Variants in SYNE1 observed in about 807,000 individuals in gnomAD.
SYNE1 encodes the protein nesprin-1.
Under a neutral mutation model 1,111.0 loss-of-function variants are expected in SYNE1, and 616 were observed. The ratio of observed to expected loss-of-function variants is 0.55; its 90% confidence interval spans 0.52 to 0.59. SYNE1 has a LOEUF of 0.59. Ranked by LOEUF, SYNE1 falls within the 20% of genes least tolerant of loss-of-function variation. The pLI is 0.00. For synonymous variants in SYNE1, 3,855 were observed against 3,825.8 expected (o/e 1.01, Z -0.28); for missense variants, 10,006 against 10,417.0 (o/e 0.96, Z 1.72).
intron 3 of SYNE1, among the ~76,000 whole-genome samples, chr6:152,607,833 C>T (rs990326204): frequency 1.3e-5 from 2 of 152,178 alleles, no homozygotes; most frequent in East Asian, 1.9e-4. Flanking sequence ...TACATATACA[C>T]CATGGAATGC....
intron 32 of SYNE1, among the ~76,000 whole-genome samples, chr6:152,440,567 AT>A (rs10700163): frequency 1.6e-3 from 198 of 122,684 alleles, no homozygotes; most frequent in Admixed American, 1.9e-3. Context: ...TTGCCTCCAG[AT>A]TTTTTTTTTT....
Position 152,148,192 on chromosome 6 carries a change from T to C in SYNE1, c.24829A>G (p.Ser8277Gly). The C allele has an allele frequency of 6.2e-7, 1 of 1,614,144 alleles. No individual in the cohort carries two copies. Among genetic ancestry groups the C allele is most frequent in the South Asian group, 1.1e-5 (1 of 91,084 alleles). Residue 8277 changes from serine (S) to glycine (G), a missense_variant, in exon 137 of 146, where the codon AGT (serine) becomes GGT (glycine). Transcript: ENST00000367255. This position sits in a 1 kb window ranked among gnomAD's most constrained non-coding sequence, Gnocchi z 4.1. ...SERSGRDTPA[S>G]VDSIPLEWDH... Reference sequence around the variant, plus strand: ...CACTCCAGGGGGATGGAGTCCACACTAGCCGGGGTGTCTCGTCCTGACCGC... The same window carrying C: ...CACTCCAGGGGGATGGAGTCCACACCAGCCGGGGTGTCTCGTCCTGACCGC...
chr6:152,227,843 T>C (rs2081948051), intron 115 of SYNE1, among the ~76,000 whole-genome samples: 1 of 152,126 alleles, frequency 6.6e-6, no homozygotes, highest in Non-Finnish European at 1.5e-5. Flanking sequence ...AGGGCTGAAA[T>C]ATATATTTTA....
chr6:152,462,600 T>G lies in SYNE1; in HGVS notation c.2250+138A>C, dbSNP rs910371028. 1.5e-5 allele frequency: 14 copies of G among 910,598 alleles called. No homozygotes were observed. The African/African-American group carries it at 2.3e-4, about 15-fold the overall frequency. 56.4% of individuals were successfully genotyped at this position (910,598 alleles called of 1,614,324 possible). On this transcript the variant is annotated intron_variant, in intron 20 of 145. Transcript: ENST00000367255. ...GTTCAATACATTTTTTTCTGACAGG[T>G]GCAAATTGGGACATACAGACATGTC...
In SYNE1 at chr6:152,540,141, C is replaced by A. The variant is rs1055042074; in HGVS notation, c.68-120G>T. ...TGAAATCGTTTTCTCATTCATTTTA[C>A]CAATTATTGTCTTGAAGGGAAAAGT... is the stretch of plus-strand genomic sequence containing the variant. On this transcript the variant is annotated intron_variant, in intron 3 of 145. Transcript: ENST00000367255. 20 of 991,092 alleles carry A rather than the reference C, an allele frequency of 2.0e-5. No individual in the cohort carries two copies. The East Asian group carries it at 4.5e-4, about 22-fold the overall frequency. The allele number at this position is 991,092 out of a possible 1,614,324, so 61.4% of individuals were successfully genotyped here.
intron 17 of SYNE1, among the ~76,000 whole-genome samples, 185 bp downstream of exon 17, chr6:152,465,797 A>ACACACACACACACACACAC (rs1554756957): frequency 6.6e-6 from 1 of 151,248 alleles, no homozygotes; most frequent in African/African-American, 2.4e-5. Flanking sequence ...ACACACACAC[A>ACACACACACACACACACAC]ATGATTATGC....
chr6:152,537,165 A>G (rs1259407174), intron 4 of SYNE1, among the ~76,000 whole-genome samples: 2 of 152,134 alleles, frequency 1.3e-5, no homozygotes, highest in African/African-American at 4.8e-5. Context: ...ATAGAGCCCC[A>G]TCCCTGAAAG....
Position 152,387,961 on chromosome 6 carries a change from T to C in SYNE1, c.8178-580A>G, listed in dbSNP as rs182463547. Among the ~76,000 whole-genome samples, 40 of 152,276 alleles carry C rather than the reference T, an allele frequency of 2.6e-4. 1 individual carries two copies. Among genetic ancestry groups the C allele is most frequent in the Non-Finnish European group, 1.5e-5 (1 of 68,018 alleles). The stretch of plus-strand genomic sequence containing the variant: ...TTTATAAGAAAAATAGTCACAAATA[T>C]AATAGCTTTCTCCATAGTCAAACCA... On this transcript the variant is annotated intron_variant, in intron 53 of 145. Coordinates refer to ENST00000367255, the MANE Select transcript of SYNE1 (RefSeq NM_182961.4).
chr6:152,306,159 T>C lies in SYNE1; in HGVS notation c.17346+2330A>G, dbSNP rs148385592. On this transcript the variant is annotated intron_variant, in intron 91 of 145. Transcript: ENST00000367255. ...GAAGTCATTTTTTCTAAGTTCAGTT[T>C]TTTTGTCAGTAAAATAAAGATGATT... 3.9e-5 allele frequency among the ~76,000 whole-genome samples: 6 copies of C among 152,198 alleles called. No homozygotes were observed. The East Asian group carries it at 1.2e-3, about 29-fold the overall frequency.
chr6:152,479,767 T>G (rs2098871263), intron 14 of SYNE1, among the ~76,000 whole-genome samples: 1 of 152,260 alleles, frequency 6.6e-6, no homozygotes, highest in Non-Finnish European at 1.5e-5. Flanking sequence ...AGGTACACTA[T>G]GTTTTGCAGA....
intron 128 of SYNE1, among the ~76,000 whole-genome samples, chr6:152,184,608 T>G (rs2069158837): frequency 6.6e-6 from 1 of 151,540 alleles, no homozygotes; most frequent in Non-Finnish European, 1.5e-5. Flanking sequence ...ATATCTCCAC[T>G]AAGCAGCTGG....
At chr6:152,304,190 G>A (rs770966930) in intron 91 of SYNE1, among the ~76,000 whole-genome samples, 21 of 152,084 alleles carry the variant, frequency 1.4e-4, no homozygotes, top group African/African-American at 4.8e-4. Flanking sequence ...TAGCACGTGG[G>A]TACTCAATAA....
At chr6:152,489,669 A>C (rs1363996656) in intron 11 of SYNE1, among the ~76,000 whole-genome samples, 4 of 151,960 alleles carry the variant, frequency 2.6e-5, no homozygotes, top group African/African-American at 7.3e-5. Context: ...CTGCCTAAAC[A>C]CTTACCACAT....
chr6:152,276,871 C>T (rs367705185), intron 98 of SYNE1, among the ~76,000 whole-genome samples: 33 of 149,042 alleles, frequency 2.2e-4, no homozygotes, highest in African/African-American at 8.2e-4. Flanking sequence ...AGACCAAACT[C>T]TGCACTCTTT....
chr6:152,458,632 G>T, intron 22 of SYNE1, 125 bp downstream of exon 22: 3 of 994,892 alleles, frequency 3.0e-6, no homozygotes, highest in African/African-American at 1.6e-5. Flanking sequence ...TTTTTGTTTT[G>T]AGTTAGTAGT....
At position 152,398,747 on chromosome 6, in the gene SYNE1, A is replaced by C. The variant is rs749757046; in HGVS notation, c.7238-16T>G. The C allele has an allele frequency of 6.3e-7, 1 of 1,587,440 alleles. No individual in the cohort carries two copies. The highest frequency in any genetic ancestry group is 8.6e-7 in the Non-Finnish European group (1 of 1,160,138). On this transcript the variant is annotated splice_polypyrimidine_tract_variant and intron_variant, in intron 48 of 145. Transcript: ENST00000367255. Reference sequence around the variant, plus strand: ...TGCATAGACTCTTTTGAAAGAAAAAATAAATAAATAAAAATAAAAAATCAG... The same window carrying C: ...TGCATAGACTCTTTTGAAAGAAAAACTAAATAAATAAAAATAAAAAATCAG...
At chr6:152,367,419 C>G (rs1217219242) in intron 61 of SYNE1, 37 bp from the exon 62 acceptor site, 1 of 1,610,848 alleles carries the variant, frequency 6.2e-7, no homozygotes, top group Admixed American at 1.7e-5. Flanking sequence ...GCTGTCCATC[C>G]CACAGAGACA....
intron 128 of SYNE1, 24 bp from the exon 129 acceptor site, chr6:152,180,318 T>A (rs754128106): frequency 3.1e-6 from 5 of 1,612,810 alleles, no homozygotes; most frequent in South Asian, 1.1e-5. Flanking sequence ...AATGGGAGAA[T>A]AGGCAAAATG....
chr6:152,198,514 G>A (rs1030642824), intron 127 of SYNE1, among the ~76,000 whole-genome samples: 2 of 152,192 alleles, frequency 1.3e-5, no homozygotes, highest in African/African-American at 4.8e-5. Context: ...TGGCACAAGA[G>A]GCCTAGCTTT....
Sources: allele counts gnomAD v4.1 joint callset (sites outside exome capture counted in the v4.1 genomes callset), GRCh38; gene constraint gnomAD v4.1.1; non-coding constraint Gnocchi (gnomAD v3.1); transcripts MANE v1.5; gene names NCBI Gene and HGNC (gene_info 2026-07-23, HGNC 2026-07-21).